B4GALT6: variants seen among roughly 807,000 people sequenced by gnomAD.
B4GALT6 encodes beta-1,4-galactosyltransferase 6, also known as UDP-Gal:beta-GlcNAc beta-1,4-galactosyltransferase 6.
B4GALT6 carries 14 observed loss-of-function variants against 46.3 expected under a neutral mutation model. The observed-to-expected ratio is 0.30, with a 90% CI of 0.20 to 0.47. The LOEUF (loss-of-function observed/expected upper bound fraction) is 0.47, where lower values mean the gene tolerates loss of function less well. Ranked by LOEUF, B4GALT6 falls within the 20% of genes least tolerant of loss-of-function variation. The probability of loss-of-function intolerance (pLI) is 0.99; values close to 1 mark genes in which losing one functional copy is unlikely to be tolerated. For synonymous variants in B4GALT6, 168 were observed against 162.0 expected, an observed-to-expected ratio of 1.04 and a Z score of -0.28; for missense variants, 386 against 480.1, an observed-to-expected ratio of 0.80 and a Z score of 1.83.
At chr18:31,678,919 T>C (rs368306393) in intron 1 of B4GALT6, among the ~76,000 whole-genome samples, 4 of 152,362 alleles carry the variant, frequency 2.6e-5, no homozygotes, top group African/African-American at 9.6e-5. Context: ...TGAGAAGCCC[T>C]GCAGGACAAC....
chr18:31,694,778 C>A, the B4GALT6 span, among the ~76,000 whole-genome samples: 5 of 152,120 alleles, frequency 3.3e-5, no homozygotes, highest in African/African-American at 1.2e-4. Flanking sequence ...ACTTTACCAA[C>A]ATGAAATTTC....
Position 31,669,242 on chromosome 18 carries a change from G to C in B4GALT6, c.116-2870C>G, listed in dbSNP as rs188696138. Reference sequence around the variant, plus strand: ...GCTGTGCATAACTTACGTAATTTTCGAATCTCTTCTACTTTTGATTTTTAA... The same window carrying C: ...GCTGTGCATAACTTACGTAATTTTCCAATCTCTTCTACTTTTGATTTTTAA... On this transcript the variant is annotated intron_variant, in intron 1 of 8. Transcript: ENST00000306851. Among the ~76,000 whole-genome samples, 6 of 152,118 alleles carry C rather than the reference G, an allele frequency of 3.9e-5. No homozygotes were observed. In the East Asian group the frequency reaches 7.7e-4, roughly 20 times the overall value.
intron 4 of B4GALT6, among the ~76,000 whole-genome samples, chr18:31,640,715 T>C (rs1197309765): frequency 6.6e-6 from 1 of 152,168 alleles, no homozygotes; most frequent in African/African-American, 2.4e-5. Flanking sequence ...ACCCCAGCAA[T>C]ACCGACCCAA....
chr18:31,675,984 G>T (rs1381138147), intron 1 of B4GALT6, among the ~76,000 whole-genome samples: 1 of 152,116 alleles, frequency 6.6e-6, no homozygotes, highest in Non-Finnish European at 1.5e-5. Context: ...CCTAAAATGA[G>T]AATCAGAGAA....
chr18:31,651,973 T>C (rs1402178733), intron 3 of B4GALT6, among the ~76,000 whole-genome samples: 1 of 152,124 alleles, frequency 6.6e-6, no homozygotes, highest in Non-Finnish European at 1.5e-5. Flanking sequence ...GGTTTCACTG[T>C]GTTAGCCAGG....
chr18:31,626,883 C>T, intron 7 of B4GALT6, 116 bp downstream of exon 7: 1 of 841,602 alleles, frequency 1.2e-6, no homozygotes, highest in Non-Finnish European at 1.8e-6. Context: ...GGTTTAGAAA[C>T]CTCAAACATA....
chr18:31,679,734 C>T lies in B4GALT6; in HGVS notation c.115+4578G>A, dbSNP rs548406008. On this transcript the variant is annotated intron_variant, in intron 1 of 8. Transcript: ENST00000306851. The stretch of plus-strand genomic sequence containing the variant: ...ACCTACTAATTCTTCCTGGATATCA[C>T]ACAGGGATCCCAACTCAATTTCTCT... Among the ~76,000 whole-genome samples the T allele has an allele frequency of 2.6e-5, 4 of 152,334 alleles. No individual in the cohort carries two copies. In the East Asian group the frequency reaches 7.7e-4, roughly 29 times the overall value.
At chr18:31,699,201 C>T in the B4GALT6 span, among the ~76,000 whole-genome samples, 1 of 149,958 alleles carries the variant, frequency 6.7e-6, no homozygotes, top group Non-Finnish European at 1.5e-5. Flanking sequence ...GGAAAGAAAA[C>T]ATCATGTAAA....
intron 3 of B4GALT6, among the ~76,000 whole-genome samples, chr18:31,648,956 T>G (rs1386166634): frequency 6.6e-6 from 1 of 152,212 alleles, no homozygotes; most frequent in Non-Finnish European, 1.5e-5. Flanking sequence ...CCCTCAGGGT[T>G]TTAAATGTTC....
chr18:31,697,624 C>G, the B4GALT6 span, among the ~76,000 whole-genome samples: 1 of 152,150 alleles, frequency 6.6e-6, no homozygotes, highest in East Asian at 1.9e-4. Context: ...AAACTACAAA[C>G]TAAATTCCTC....
intron 2 of B4GALT6, among the ~76,000 whole-genome samples, chr18:31,664,995 G>T (rs1458938162): frequency 6.6e-6 from 1 of 152,152 alleles, no homozygotes; most frequent in Non-Finnish European, 1.5e-5. Flanking sequence ...TGACTAGAAT[G>T]GATTTTATAG....
At chr18:31,715,519 C>T in the B4GALT6 span, among the ~76,000 whole-genome samples, 5 of 145,508 alleles carry the variant, frequency 3.4e-5, no homozygotes, top group African/African-American at 5.1e-5. Flanking sequence ...TGAGCCACAG[C>T]GCCTGGTCTG....
chr18:31,638,788 A>C (rs1305431711), intron 4 of B4GALT6, 28 bp from the exon 5 acceptor site: 1 of 1,515,008 alleles, frequency 6.6e-7, no homozygotes, highest in Non-Finnish European at 9.2e-7. Context: ...CATGTATGTA[A>C]ATAAATATAT....
intron 4 of B4GALT6, among the ~76,000 whole-genome samples, chr18:31,643,202 C>T (rs2073951831): frequency 6.6e-6 from 1 of 152,156 alleles, no homozygotes; most frequent in South Asian, 2.1e-4. Flanking sequence ...CTCCAAAATT[C>T]CTTTCATACC....
At chr18:31,698,811 T>C in the B4GALT6 span, among the ~76,000 whole-genome samples, 3 of 151,566 alleles carry the variant, frequency 2.0e-5, no homozygotes, top group Non-Finnish European at 4.4e-5. Flanking sequence ...GACTCATGCC[T>C]GTAAAGCCCA....
At chr18:31,686,593 CAACTT>C (rs1202372770), upstream of B4GALT6, 1 of 152,164 alleles carries the variant, frequency 6.6e-6, no homozygotes, top group Non-Finnish European at 1.5e-5. Context: ...ACTCACAACT[CAACTT>C]CTCTGGCTAA....
chr18:31,678,906 C>T (rs1170540362), intron 1 of B4GALT6, among the ~76,000 whole-genome samples: 1 of 152,226 alleles, frequency 6.6e-6, no homozygotes, highest in South Asian at 2.1e-4. Context: ...AGGACAAGTG[C>T]CCTGAGAAGC....
the B4GALT6 span, among the ~76,000 whole-genome samples, chr18:31,712,982 C>CA: frequency 1.3e-5 from 2 of 152,178 alleles, no homozygotes; most frequent in East Asian, 1.9e-4. Context: ...GATGTATTAA[C>CA]AAAAAAGTCT....
the B4GALT6 span, among the ~76,000 whole-genome samples, chr18:31,694,660 T>C: frequency 6.6e-6 from 1 of 152,266 alleles, no homozygotes; most frequent in Non-Finnish European, 1.5e-5. Flanking sequence ...TACTGAGTTA[T>C]AATTGACTTA....
Sources: gnomAD v4.1 joint callset for allele counts (sites outside exome capture counted in the v4.1 genomes callset) on GRCh38, gnomAD v4.1.1 for gene constraint, MANE v1.5 for transcripts, NCBI Gene and HGNC (gene_info 2026-07-23, HGNC 2026-07-21) for gene names.